Variants in JMJD1C observed in about 807,000 individuals in gnomAD.
The protein encoded by JMJD1C is jumonji domain-containing protein 1C.
A neutral mutation model predicts 245.3 loss-of-function variants in JMJD1C; 31 were observed. The ratio of observed to expected loss-of-function variants is 0.13; its 90% CI spans 0.09 to 0.17. The LOEUF (loss-of-function observed/expected upper bound fraction) is 0.17. Among genes scored for constraint, JMJD1C ranks in the 10% least tolerant of loss-of-function variants. The pLI is 1.00. For missense variants in JMJD1C, 2,691 were observed against 3,000.2 expected (o/e 0.90, Z 2.41); for synonymous variants, 1,057 against 1,017.4 (o/e 1.04, Z -0.74).
At chr10:63,412,141 C>T (rs907694372) in intron 1 of JMJD1C, among the ~76,000 whole-genome samples, 5 of 151,924 alleles carry the variant, frequency 3.3e-5, no homozygotes, top group Admixed American at 6.6e-5. Flanking sequence ...GAGGACAGCC[C>T]GCCCAGTCGA....
At chr10:63,335,228 T>C (rs1048734124) in intron 2 of JMJD1C, among the ~76,000 whole-genome samples, 10 of 152,018 alleles carry the variant, frequency 6.6e-5, no homozygotes, top group Admixed American at 2.0e-4. Flanking sequence ...CCTCTGAATG[T>C]TGTTATCAGA....
chr10:63,305,635 T>C (rs956282863), intron 2 of JMJD1C, among the ~76,000 whole-genome samples: 26 of 70,348 alleles, frequency 3.7e-4, no homozygotes, highest in Middle Eastern at 5.7e-3. Flanking sequence ...CTGGCGTGTG[T>C]GTGTGTGTGT....
At chr10:63,402,192 T>C (rs1415625866) in intron 1 of JMJD1C, among the ~76,000 whole-genome samples, 3 of 147,784 alleles carry the variant, frequency 2.0e-5, no homozygotes, top group Non-Finnish European at 3.0e-5. Context: ...AAAGCAAACA[T>C]ACAAAGGGCT....
chr10:63,351,120 C>T (rs1490983668), intron 2 of JMJD1C, among the ~76,000 whole-genome samples: 1 of 150,576 alleles, frequency 6.6e-6, no homozygotes, highest in African/African-American at 2.4e-5. Context: ...GCTCTATCAC[C>T]CAGGCTGGAA....
At chr10:63,176,519 G>T in intron 23 of JMJD1C, 46 bp from the exon 24 acceptor site, 3 of 1,386,646 alleles carry the variant, frequency 2.2e-6, no homozygotes, top group Non-Finnish European at 2.0e-6. Flanking sequence ...GTAAGGAAAT[G>T]GTAAATCCTG....
chr10:63,492,967 A>G (rs947356803), intron 1 of JMJD1C, among the ~76,000 whole-genome samples: 3 of 152,174 alleles, frequency 2.0e-5, no homozygotes, highest in Non-Finnish European at 4.4e-5. Flanking sequence ...ACTGTCACAT[A>G]TATCTTCAAG....
chr10:63,306,544 A>G lies in JMJD1C; in HGVS notation c.334-41780T>C, dbSNP rs570691128. Among the ~76,000 whole-genome samples the G allele has an allele frequency of 2.0e-5, 3 of 152,384 alleles. No homozygotes were observed. In the South Asian group the frequency reaches 6.2e-4, roughly 32 times the overall value. ...ACCAGATTTATAAAAGAAAAAATGT[A>G]TGACTGTGACATCACTTAAACAAAT... On this transcript the variant is annotated intron_variant, in intron 2 of 25. Transcript: ENST00000399262.
rs749137918 is a variant in JMJD1C, at chr10:63,207,479, T to C, written c.4190A>G (p.Asp1397Gly). The C allele has an allele frequency of 6.2e-7, 1 of 1,614,200 alleles. No individual in the cohort carries two copies. Among genetic ancestry groups the C allele is most frequent in the South Asian group, 1.1e-5 (1 of 91,082 alleles). ...AGTATCGGCAGCAGATGTGATTACA[T>C]CCGTTTTGGTATTACACATCGTATT... ...AVNTMCNTKT[D>G]VITSAADTTS... The change falls in exon 10 of 26, where the codon GAT (aspartate) becomes GGT (glycine). Residue 1397 changes from aspartate (D) to glycine (G), a missense_variant. This residue lies in a region of JMJD1C where 1,562 missense variants were observed against 1,490.7 expected (regional missense o/e 1.05). Transcript: ENST00000399262.
chr10:63,519,104 T>C (rs368651095), intron 1 of JMJD1C, among the ~76,000 whole-genome samples: 1 of 152,150 alleles, frequency 6.6e-6, no homozygotes, highest in Admixed American at 6.5e-5. Context: ...CCATGGCCTA[T>C]TGAGATGTGA....
At chr10:63,393,809 T>A (rs565609274) in intron 1 of JMJD1C, among the ~76,000 whole-genome samples, 1 of 152,088 alleles carries the variant, frequency 6.6e-6, no homozygotes, top group Non-Finnish European at 1.5e-5. Context: ...GAAAAGGAAA[T>A]AGAATTGCTA....
At chr10:63,361,000 G>A (rs1166587723) in intron 2 of JMJD1C, among the ~76,000 whole-genome samples, 6 of 152,036 alleles carry the variant, frequency 3.9e-5, no homozygotes, top group African/African-American at 1.2e-4. Context: ...CATTATCTTC[G>A]TCATTACAAA....
chr10:63,190,687 AC>A (rs774132508), intron 17 of JMJD1C, among the ~76,000 whole-genome samples: 6 of 151,636 alleles, frequency 4.0e-5, no homozygotes, highest in Non-Finnish European at 7.4e-5. Flanking sequence ...ATCGAAGAGC[AC>A]CCCCCCTCCA....
intron 2 of JMJD1C, among the ~76,000 whole-genome samples, chr10:63,289,140 G>A (rs186407014): frequency 6.6e-6 from 1 of 151,934 alleles, no homozygotes; most frequent in African/African-American, 2.4e-5. Flanking sequence ...AGTACACATG[G>A]ATAATACCAT....
In JMJD1C at chr10:63,207,802, C is replaced by G; in HGVS notation, c.3867G>C (p.Trp1289Cys). 4 of 1,614,140 alleles carry G rather than the reference C, an allele frequency of 2.5e-6. No individual in the cohort carries two copies. The highest frequency in any genetic ancestry group is 3.4e-6 in the Non-Finnish European group (4 of 1,180,014). The part of the protein sequence containing the change: ...NNNLSKEKTE[W>C]HVEKSSGKLQ... ...ACTTTCCGCTGCTTTTCTCCACATG[C>G]CATTCAGTTTTCTCTTTGCTGAGGT... The change falls in exon 10 of 26, where the codon TGG becomes TGC. Residue 1289 changes from tryptophan (W) to cysteine (C), a missense_variant. Trp to Cys is a radical substitution (Grantham distance 215). Coordinates refer to ENST00000399262, the MANE Select transcript of JMJD1C (RefSeq NM_032776.3).
At chr10:63,312,880 G>A (rs555944131) in intron 2 of JMJD1C, among the ~76,000 whole-genome samples, 47 of 152,178 alleles carry the variant, frequency 3.1e-4, no homozygotes, top group Admixed American at 1.4e-3. Flanking sequence ...ATGAGCCACC[G>A]TGGCCACCCT....
intron 2 of JMJD1C, among the ~76,000 whole-genome samples, chr10:63,320,075 G>A (rs1169288757): frequency 6.6e-6 from 1 of 151,634 alleles, no homozygotes; most frequent in Non-Finnish European, 1.5e-5. Context: ...TCAACTAATT[G>A]TTATATTTTT....
chr10:63,326,668 T>C (rs1441285773), intron 2 of JMJD1C, among the ~76,000 whole-genome samples: 1 of 151,172 alleles, frequency 6.6e-6, no homozygotes, highest in Non-Finnish European at 1.5e-5. Context: ...TTACCTGAGG[T>C]CAGGAGTTCG....
chr10:63,512,778 C>T (rs1954909666), intron 1 of JMJD1C, among the ~76,000 whole-genome samples: 1 of 152,140 alleles, frequency 6.6e-6, no homozygotes, highest in African/African-American at 2.4e-5. Flanking sequence ...AATATTGCTT[C>T]TGTTCCTTTC....
chr10:63,476,979 T>C (rs1203488712), intron 1 of JMJD1C, among the ~76,000 whole-genome samples: 2 of 151,944 alleles, frequency 1.3e-5, no homozygotes, highest in Non-Finnish European at 2.9e-5. Flanking sequence ...AAAGAGAAAG[T>C]ATAAAAAACT....
Sources: gnomAD v4.1 joint callset for allele counts (sites outside exome capture counted in the v4.1 genomes callset) on GRCh38, gnomAD v4.1.1 for gene constraint, gnomAD v4.1.1 regional missense constraint, MANE v1.5 for transcripts, NCBI Gene and HGNC (gene_info 2026-07-23, HGNC 2026-07-21) for gene names.